CNTNAP2: variants seen among roughly 807,000 people sequenced by gnomAD.
CNTNAP2 encodes contactin-associated protein-like 2.
CNTNAP2 carries 98 observed loss-of-function variants against 155.2 expected under a neutral mutation model. The ratio of observed to expected loss-of-function variants is 0.63; its 90% CI spans 0.54 to 0.75. The LOEUF is 0.75. Among genes scored for constraint, CNTNAP2 ranks in the 30% least tolerant of loss-of-function variants. The probability of loss-of-function intolerance (pLI) is 0.00; values close to 1 mark genes in which losing one functional copy is unlikely to be tolerated. For synonymous variants in CNTNAP2, 651 were observed against 631.2 expected (o/e 1.03, Z -0.47); for missense variants, 1,727 against 1,688.1 (o/e 1.02, Z -0.40).
chr7:148,373,427 C>T (rs1292302410), intron 21 of CNTNAP2, among the ~76,000 whole-genome samples: 2 of 152,114 alleles, frequency 1.3e-5, no homozygotes, highest in African/African-American at 4.8e-5. Flanking sequence ...TGCACTCCAG[C>T]CTGGACGACA....
intron 13 of CNTNAP2, among the ~76,000 whole-genome samples, chr7:147,781,888 C>T (rs28391122): frequency 0.097 from 14,694 of 151,814 alleles, 1,081 homozygotes; most frequent in African/African-American, 0.2. Flanking sequence ...CTGGGCGTGG[C>T]GGCGGGCGCC....
chr7:146,709,333 A>G (rs1801022565), intron 1 of CNTNAP2, among the ~76,000 whole-genome samples: 1 of 152,184 alleles, frequency 6.6e-6, no homozygotes, highest in Non-Finnish European at 1.5e-5. Context: ...CATGAAAGCA[A>G]TTGTAGTTCT....
At chr7:148,015,348 T>A (rs1258247361) in intron 15 of CNTNAP2, among the ~76,000 whole-genome samples, 1 of 152,186 alleles carries the variant, frequency 6.6e-6, no homozygotes, top group Non-Finnish European at 1.5e-5. Flanking sequence ...TAAGGTTCCT[T>A]TTGTGTCACA....
rs1805811641 is a variant in CNTNAP2, at chr7:148,172,475, A to T, written c.3007A>T (p.Lys1003Ter). 3.1e-6 allele frequency: 5 copies of T among 1,614,006 alleles called. No homozygotes were observed. The highest frequency in any genetic ancestry group is 4.2e-6 in the Non-Finnish European group (5 of 1,179,882). Residue 1003 changes from lysine to a stop codon, truncating the protein, a stop_gained, in exon 18 of 24, where the codon AAA (lysine) becomes TAA (stop). Transcript: ENST00000361727. LOFTEE classifies it high-confidence loss of function. ...TGCATATGATGGAACATTTTGCAACAAAGGTAAGGTGGAACCCATTTCCAG... is the reference window on the plus strand; with the variant it reads ...TGCATATGATGGAACATTTTGCAACTAAGGTAAGGTGGAACCCATTTCCAG... ...NTAYDGTFCN[K>*]DVGAFFEEGM...
intron 14 of CNTNAP2, among the ~76,000 whole-genome samples, chr7:147,907,777 T>C (rs1799988244): frequency 6.6e-6 from 1 of 150,554 alleles, no homozygotes; most frequent in Non-Finnish European, 1.5e-5. Context: ...TATTTTAAAA[T>C]TTATTTTCTT....
chr7:148,333,719 C>T (rs1274292033), intron 21 of CNTNAP2, among the ~76,000 whole-genome samples: 1 of 152,190 alleles, frequency 6.6e-6, no homozygotes, highest in Non-Finnish European at 1.5e-5. Context: ...TTGACCCTAA[C>T]AGAGAAAGAT....
At chr7:146,246,351 C>T (rs544724397) in intron 1 of CNTNAP2, among the ~76,000 whole-genome samples, 5 of 150,702 alleles carry the variant, frequency 3.3e-5, no homozygotes, top group African/African-American at 1.2e-4. Flanking sequence ...GTTAAAGTGT[C>T]TCGGCCTAAT....
rs149374686 is a variant in CNTNAP2, at chr7:147,996,886, A to G, written c.2383+18897A>G. On this transcript the variant is annotated intron_variant, in intron 15 of 23. Coordinates refer to ENST00000361727, the MANE Select transcript of CNTNAP2 (RefSeq NM_014141.6). ...GTCTGTTTTTGTCTTTCCAAAATTT[A>G]TATGTTGAAACCTAATCACCCACAT... is the stretch of plus-strand genomic sequence containing the variant. 3.9e-5 allele frequency among the ~76,000 whole-genome samples: 6 copies of G among 152,298 alleles called. No individual in the cohort carries two copies. The East Asian group carries it at 1.2e-3, about 29-fold the overall frequency.
At chr7:147,705,800 T>C (rs1796304852) in intron 13 of CNTNAP2, among the ~76,000 whole-genome samples, 1 of 152,190 alleles carries the variant, frequency 6.6e-6, no homozygotes, top group Admixed American at 6.5e-5. Flanking sequence ...TTTCATCATA[T>C]AATGATCTTT....
intron 1 of CNTNAP2, among the ~76,000 whole-genome samples, chr7:146,595,371 A>G (rs1290511971): frequency 6.6e-6 from 1 of 152,056 alleles, no homozygotes; most frequent in East Asian, 1.9e-4. Context: ...TAAGGAAGGT[A>G]CGTGGGAAAA....
intron 4 of CNTNAP2, among the ~76,000 whole-genome samples, chr7:147,055,348 A>T (rs896342172): frequency 6.6e-6 from 1 of 152,242 alleles, no homozygotes; most frequent in South Asian, 2.1e-4. Flanking sequence ...TGCATAGCTT[A>T]TTAAGGACTG....
intron 3 of CNTNAP2, among the ~76,000 whole-genome samples, chr7:146,879,507 C>T (rs1034848291): frequency 2.6e-5 from 4 of 151,924 alleles, no homozygotes; most frequent in South Asian, 4.1e-4. Context: ...ATTAAATTAG[C>T]ATTTACTATG....
intron 11 of CNTNAP2, among the ~76,000 whole-genome samples, chr7:147,531,050 C>T (rs1799422958): frequency 6.6e-6 from 1 of 152,138 alleles, no homozygotes; most frequent in Non-Finnish European, 1.5e-5. Flanking sequence ...CTCCTTTGAC[C>T]CCAGATCTGA....
chr7:146,412,273 C>G (rs1021171897), intron 1 of CNTNAP2, among the ~76,000 whole-genome samples: 1 of 152,158 alleles, frequency 6.6e-6, no homozygotes, highest in Non-Finnish European at 1.5e-5. Flanking sequence ...GCTTCACAGC[C>G]GCAATGCTCT....
intron 11 of CNTNAP2, among the ~76,000 whole-genome samples, chr7:147,491,428 C>T (rs747800095): frequency 1.3e-4 from 20 of 152,072 alleles, no homozygotes; most frequent in Non-Finnish European, 2.6e-4. Context: ...CTTTCCATGG[C>T]CCTGTAGTTA....
chr7:147,236,987 A>G (rs1475124071), intron 8 of CNTNAP2, among the ~76,000 whole-genome samples: 3 of 148,598 alleles, frequency 2.0e-5, no homozygotes, highest in African/African-American at 7.4e-5. Context: ...ATGATGACTT[A>G]ATCTTTTCTT....
Position 147,730,110 on chromosome 7 carries a change from A to C in CNTNAP2, c.2098+90804A>C, listed in dbSNP as rs1021249281. On this transcript the variant is annotated intron_variant, in intron 13 of 23. Transcript: ENST00000361727. The stretch of plus-strand genomic sequence containing the variant: ...AGTATTTAGGCTAATGAGTTAGCAC[A>C]TCTGATCATTTATCTTCAATCTGTC... Among the ~76,000 whole-genome samples the C allele has an allele frequency of 2.0e-5, 3 of 152,250 alleles. No individual in the cohort carries two copies. The East Asian group carries it at 5.8e-4, about 29-fold the overall frequency.
chr7:148,052,436 G>A (rs554059555), intron 15 of CNTNAP2, among the ~76,000 whole-genome samples: 24 of 150,500 alleles, frequency 1.6e-4, no homozygotes, highest in African/African-American at 5.8e-4. Flanking sequence ...AATACAAACT[G>A]AAACAAGAAT....
chr7:146,185,296 G>A (rs1157258739), intron 1 of CNTNAP2, among the ~76,000 whole-genome samples: 1 of 152,044 alleles, frequency 6.6e-6, no homozygotes, highest in Non-Finnish European at 1.5e-5. Flanking sequence ...ATTAGAGCAA[G>A]GAACAGCAAA....
Sources: gnomAD v4.1 joint callset for allele counts (sites outside exome capture counted in the v4.1 genomes callset) on GRCh38, gnomAD v4.1.1 for gene constraint, MANE v1.5 for transcripts, NCBI Gene and HGNC (gene_info 2026-07-23, HGNC 2026-07-21) for gene names.